Variants in SUPT3H observed in about 807,000 individuals in gnomAD.
SUPT3H encodes the protein SPT3 homolog, SAGA and STAGA complex component.
SUPT3H carries 44 observed loss-of-function variants against 44.3 expected under a neutral mutation model. That is an observed-to-expected ratio of 0.99 (90% CI 0.78 to 1.28). The LOEUF is 1.28. SUPT3H is among the 50% of genes most tolerant of loss of function. The pLI is 0.00. For synonymous variants in SUPT3H, 124 were observed against 125.6 expected (o/e 0.99, Z 0.09); for missense variants, 380 against 387.1 (o/e 0.98, Z 0.15).
chr6:44,885,941 G>C (rs560419825), intron 10 of SUPT3H, among the ~76,000 whole-genome samples: 2 of 152,140 alleles, frequency 1.3e-5, no homozygotes, highest in African/African-American at 4.8e-5. Context: ...GGAGCTGAAA[G>C]CCAAGGCATG....
At chr6:44,913,199 G>T (rs1454979452) in intron 10 of SUPT3H, among the ~76,000 whole-genome samples, 2 of 152,102 alleles carry the variant, frequency 1.3e-5, no homozygotes, top group East Asian at 3.9e-4. Context: ...CATCCTTCCA[G>T]TTGACAGTCT....
At chr6:44,885,343 G>A (rs1345252905) in intron 10 of SUPT3H, among the ~76,000 whole-genome samples, 2 of 152,160 alleles carry the variant, frequency 1.3e-5, no homozygotes, top group African/African-American at 2.4e-5. Context: ...CTGACCCCGA[G>A]AAGCCTAACT....
At chr6:44,939,085 T>G (rs1474625729) in intron 9 of SUPT3H, among the ~76,000 whole-genome samples, 1 of 152,162 alleles carries the variant, frequency 6.6e-6, no homozygotes, top group African/African-American at 2.4e-5. Context: ...ATTGTTCTGG[T>G]TAGGACTTCC....
chr6:45,270,642 T>A (rs1272645424), intron 2 of SUPT3H, among the ~76,000 whole-genome samples: 1 of 152,134 alleles, frequency 6.6e-6, no homozygotes, highest in Non-Finnish European at 1.5e-5. Flanking sequence ...CAGTCTGGAG[T>A]ATGTCCTTAT....
chr6:45,061,759 A>G (rs1302673771), intron 3 of SUPT3H, among the ~76,000 whole-genome samples: 1 of 152,126 alleles, frequency 6.6e-6, no homozygotes, highest in African/African-American at 2.4e-5. Flanking sequence ...TCAGACTAAT[A>G]TTTTATGTGA....
At chr6:44,973,636 C>T (rs1014511337) in intron 6 of SUPT3H, among the ~76,000 whole-genome samples, 1 of 152,136 alleles carries the variant, frequency 6.6e-6, no homozygotes, top group Non-Finnish European at 1.5e-5. Context: ...CACACCACTA[C>T]CTGGTACCAA....
intron 2 of SUPT3H, among the ~76,000 whole-genome samples, chr6:45,185,214 A>C (rs928500237): frequency 1.7e-4 from 26 of 152,162 alleles, no homozygotes; most frequent in Non-Finnish European, 3.8e-4. Context: ...TTTATTAAGA[A>C]GGAAATCCAA....
chr6:45,046,240 T>C (rs1168262025), intron 3 of SUPT3H, among the ~76,000 whole-genome samples: 3 of 152,210 alleles, frequency 2.0e-5, no homozygotes, highest in African/African-American at 4.8e-5. Flanking sequence ...ACTCAACATA[T>C]GCTTGTCTTT....
chr6:45,222,970 T>C (rs139268364), intron 2 of SUPT3H, among the ~76,000 whole-genome samples: 32 of 152,266 alleles, frequency 2.1e-4, no homozygotes, highest in African/African-American at 7.7e-4. Flanking sequence ...TCCATCCATT[T>C]AACATTCTTA....
At chr6:44,955,139 T>C (rs1774912331) in intron 7 of SUPT3H, 1 of 157,612 alleles carries the variant, frequency 6.3e-6, no homozygotes, top group Admixed American at 6.3e-5. Flanking sequence ...CTTGGATGGG[T>C]AGAGCAGCAC....
At chr6:45,013,869 T>C (rs1409273331) in intron 5 of SUPT3H, among the ~76,000 whole-genome samples, 2 of 152,046 alleles carry the variant, frequency 1.3e-5, no homozygotes, top group African/African-American at 2.4e-5. Context: ...GGTGGCAGAA[T>C]GGTGAAGAGT....
intron 9 of SUPT3H, among the ~76,000 whole-genome samples, chr6:44,933,968 C>T (rs907935233): frequency 3.3e-5 from 5 of 152,076 alleles, no homozygotes; most frequent in African/African-American, 9.7e-5. Context: ...AATGGGATCG[C>T]TAAGTTTTTG....
chr6:44,997,319 T>C (rs946060383), intron 6 of SUPT3H, among the ~76,000 whole-genome samples: 31 of 151,854 alleles, frequency 2.0e-4, no homozygotes, highest in African/African-American at 5.3e-4. Context: ...TTTTCATTTA[T>C]ACACTCATGT....
intron 2 of SUPT3H, among the ~76,000 whole-genome samples, chr6:45,167,476 T>C (rs549925790): frequency 6.6e-6 from 1 of 152,190 alleles, no homozygotes; most frequent in East Asian, 1.9e-4. Context: ...TTTGAAGTAA[T>C]TTTTGGTAGT....
intron 10 of SUPT3H, among the ~76,000 whole-genome samples, chr6:44,857,471 T>C (rs1031985984): frequency 6.6e-6 from 1 of 152,216 alleles, no homozygotes; most frequent in Non-Finnish European, 1.5e-5. Context: ...ATTGGATTGA[T>C]TTTTAATGTC....
intron 2 of SUPT3H, among the ~76,000 whole-genome samples, chr6:45,249,506 A>G (rs1771983625): frequency 6.6e-6 from 1 of 152,058 alleles, no homozygotes; most frequent in Non-Finnish European, 1.5e-5. Flanking sequence ...AGCATTTTGG[A>G]AGCTAGAAAG....
chr6:44,982,815 GT>G (rs1779286810), intron 6 of SUPT3H, among the ~76,000 whole-genome samples: 1 of 152,110 alleles, frequency 6.6e-6, no homozygotes, highest in Non-Finnish European at 1.5e-5. Context: ...AATAATTCAG[GT>G]ACTTCTTAAA....
Position 44,897,956 on chromosome 6 carries a change from T to C in SUPT3H, c.912+34697A>G, listed in dbSNP as rs561640402. 7.2e-5 allele frequency among the ~76,000 whole-genome samples: 11 copies of C among 152,292 alleles called. No homozygotes were observed. The South Asian group carries it at 1.9e-3, about 26-fold the overall frequency. Reference sequence around the variant, plus strand: ...CTTGTTATACAATTATATAAGACATTTGAGAAAATGCCAAGATCTCAGAAC... The same window carrying C: ...CTTGTTATACAATTATATAAGACATCTGAGAAAATGCCAAGATCTCAGAAC... On this transcript the variant is annotated intron_variant, in intron 10 of 10. Coordinates refer to ENST00000371459, the MANE Select transcript of SUPT3H (RefSeq NM_003599.4).
At chr6:45,025,882 CAAAA>C (rs11299141) in intron 3 of SUPT3H, among the ~76,000 whole-genome samples, 6 of 127,922 alleles carry the variant, frequency 4.7e-5, no homozygotes, top group Admixed American at 7.6e-5. Context: ...GACTCCGTCT[CAAAA>C]AAAAAAAAAA....
Sources: gnomAD v4.1 joint callset for allele counts (sites outside exome capture counted in the v4.1 genomes callset) on GRCh38, gnomAD v4.1.1 for gene constraint, MANE v1.5 for transcripts, NCBI Gene and HGNC (gene_info 2026-07-23, HGNC 2026-07-21) for gene names.